Variants in ARID3A observed in about 807,000 individuals in gnomAD.
The protein encoded by ARID3A is AT-rich interactive domain-containing protein 3A.
Under a neutral mutation model 52.7 loss-of-function variants are expected in ARID3A, and 11 were observed. The ratio of observed to expected loss-of-function variants is 0.21; its 90% CI spans 0.13 to 0.35. The LOEUF (loss-of-function observed/expected upper bound fraction) is 0.35. Ranked by LOEUF, ARID3A falls within the 10% of genes least tolerant of loss-of-function variation. The pLI, the probability that ARID3A is intolerant of heterozygous loss-of-function variation, is 1.00. For synonymous variants in ARID3A, 404 were observed against 359.4 expected (o/e 1.12, Z -1.40); for missense variants, 721 against 838.5 (o/e 0.86, Z 1.73).
intron 3 of ARID3A, among the ~76,000 whole-genome samples, chr19:933,093 C>A (rs879716976): frequency 6.6e-6 from 1 of 152,044 alleles, no homozygotes; most frequent in Non-Finnish European, 1.5e-5. Context: ...ACCAGGCCTG[C>A]GGGCGATGCG....
intron 3 of ARID3A, 64 bp downstream of exon 3, chr19:932,806 A>G (rs2037361643): frequency 6.5e-7 from 1 of 1,540,574 alleles, no homozygotes; most frequent in African/African-American, 1.4e-5. Flanking sequence ...GGCCCTTTGA[A>G]GGCCCACGTT....
At chr19:969,751 G>C (rs1425673565) in intron 8 of ARID3A, among the ~76,000 whole-genome samples, 1 of 149,090 alleles carries the variant, frequency 6.7e-6, no homozygotes, top group Non-Finnish European at 1.5e-5. Context: ...GCAGTGGCAC[G>C]ATCTTGACTC....
rs373854297 is a variant in ARID3A, at chr19:974,363, G to A, written c.*2298G>A. On this transcript the variant is annotated 3_prime_UTR_variant, in exon 9 of 9. Coordinates refer to ENST00000263620, the MANE Select transcript of ARID3A (RefSeq NM_005224.3). The stretch of plus-strand genomic sequence containing the variant: ...AGCACCGTAGCAGCACAATCACCCC[G>A]GGAAGGGGGTGTCTGTTTGCCTCCA... 26 of 229,248 alleles carry A rather than the reference G, an allele frequency of 1.1e-4. No homozygotes were observed. Among genetic ancestry groups the A allele is most frequent in the Non-Finnish European group, 1.7e-4 (20 of 115,598 alleles). 14.2% of individuals were successfully genotyped at this position (229,248 alleles called of 1,614,324 possible).
rs2145375042 is a variant in ARID3A, at chr19:938,691, G to C, written c.693+5949G>C. Among the ~76,000 whole-genome samples, 1 of 152,282 alleles carries C rather than the reference G, an allele frequency of 6.6e-6. No individual in the cohort carries two copies. Among genetic ancestry groups the C allele is most frequent in the Non-Finnish European group, 1.5e-5 (1 of 68,032 alleles). The stretch of plus-strand genomic sequence containing the variant: ...CCGGGCCTGACAGCTGGGCGTGTGT[G>C]GGCACTGGGGCAGGGACGGCCACCA... On this transcript the variant is annotated intron_variant, in intron 3 of 8. Transcript: ENST00000263620. This position sits in a 1 kb window ranked among gnomAD's most constrained non-coding sequence, Gnocchi z 4.0.
At chr19:969,593 CATAG>C (rs1003882186) in intron 8 of ARID3A, among the ~76,000 whole-genome samples, 1 of 151,022 alleles carries the variant, frequency 6.6e-6, no homozygotes, top group Non-Finnish European at 1.5e-5. Context: ...TGTAGCTATA[CATAG>C]ATATATATAG....
chr19:929,441 C>CG lies in ARID3A; in HGVS notation c.-88_-87insG. Reference sequence around the variant, plus strand: ...CCACGCTGCAGTGCGGCCGGGCCCCCTCCCCGCAGGGGCCGCCCCCGCCGC... The same window carrying CG: ...CCACGCTGCAGTGCGGCCGGGCCCCCGTCCCCGCAGGGGCCGCCCCCGCCGC... On this transcript the variant is annotated 5_prime_UTR_variant, in exon 2 of 9. Transcript: ENST00000263620. This position sits in a 1 kb window ranked among gnomAD's most constrained non-coding sequence, Gnocchi z 6.2. 2.3e-4 allele frequency: 292 copies of CG among 1,270,068 alleles called. No homozygotes were observed. The highest frequency in any genetic ancestry group is 3.1e-4 in the Middle Eastern group (1 of 3,200). 78.7% of individuals were successfully genotyped at this position (1,270,068 alleles called of 1,614,324 possible).
intron 6 of ARID3A, among the ~76,000 whole-genome samples, chr19:965,906 C>T (rs1319751024): frequency 1.3e-5 from 2 of 151,096 alleles, no homozygotes; most frequent in Admixed American, 6.6e-5. Context: ...GCAGGAGAAT[C>T]GCTTGAACCC....
At chr19:940,575 AAGG>A (rs370477721) in intron 3 of ARID3A, among the ~76,000 whole-genome samples, 56 of 152,158 alleles carry the variant, frequency 3.7e-4, no homozygotes, top group African/African-American at 1.2e-3. Flanking sequence ...GCCTGAGAAG[AAGG>A]AGAAGGAGGA....
Position 944,808 on chromosome 19 carries a change from T to C in ARID3A, c.693+12066T>C, listed in dbSNP as rs2037642719. On this transcript the variant is annotated intron_variant, in intron 3 of 8. Coordinates refer to ENST00000263620, the MANE Select transcript of ARID3A (RefSeq NM_005224.3). This position sits in a 1 kb window ranked among gnomAD's most constrained non-coding sequence, Gnocchi z 5.9. ...ACCCGGCTAACTTCATTTTATTTTT[T>C]GGAGACAGGGTCTTGCTGCGTTGCC... 6.6e-6 allele frequency among the ~76,000 whole-genome samples: 1 copy of C among 152,202 alleles called. No homozygotes were observed. Among genetic ancestry groups the C allele is most frequent in the African/African-American group, 2.4e-5 (1 of 41,454 alleles).
intron 1 of ARID3A, among the ~76,000 whole-genome samples, chr19:927,967 GGCCA>G (rs2037236116): frequency 6.6e-6 from 1 of 152,140 alleles, no homozygotes. Flanking sequence ...AGGGCAGAGG[GGCCA>G]CAGGACTCTC....
intron 3 of ARID3A, among the ~76,000 whole-genome samples, chr19:957,668 C>G (rs757607817): frequency 8.5e-5 from 13 of 152,122 alleles, no homozygotes; most frequent in Non-Finnish European, 1.8e-4. Context: ...TAGAAAGACC[C>G]ATCTCTACAA....
At chr19:928,095 G>A (rs1329074213) in intron 1 of ARID3A, among the ~76,000 whole-genome samples, 1 of 151,960 alleles carries the variant, frequency 6.6e-6, no homozygotes, top group Non-Finnish European at 1.5e-5. Context: ...CGTCTCTCCA[G>A]GCCTTGTCTG....
In ARID3A at chr19:939,128, A is replaced by ATTTATTT. The variant is rs57082317; in HGVS notation, c.693+6388_693+6389insTATTTTT. On this transcript the variant is annotated intron_variant, in intron 3 of 8. Transcript: ENST00000263620. ...TTATTTATTTATTTATTTATTTATT[A>ATTTATTT]TTATTATTTTAGACGGAGTCTTGCT... Among the ~76,000 whole-genome samples the ATTTATTT allele has an allele frequency of 3.0e-3, 443 of 145,300 alleles. 3 individuals are homozygous for ATTTATTT. Among genetic ancestry groups the ATTTATTT allele is most frequent in the East Asian group, 1.0e-2 (50 of 5,006 alleles).
Position 944,621 on chromosome 19 carries a change from T to C in ARID3A, c.693+11879T>C, listed in dbSNP as rs934670578. 2.0e-5 allele frequency among the ~76,000 whole-genome samples: 3 copies of C among 152,156 alleles called. No homozygotes were observed. The highest frequency in any genetic ancestry group is 4.8e-5 in the African/African-American group (2 of 41,414). ...CAGCCTGGCTGAACCTCCTTCATTGTCTGGTTTTCGGGGGTGGATTTTGAG... is the reference window on the plus strand; with the variant it reads ...CAGCCTGGCTGAACCTCCTTCATTGCCTGGTTTTCGGGGGTGGATTTTGAG... On this transcript the variant is annotated intron_variant, in intron 3 of 8. Transcript: ENST00000263620. The surrounding 1 kb of genome is among the most constrained non-coding windows in gnomAD (Gnocchi z 5.9).
chr19:963,618 C>T (rs924706593), intron 4 of ARID3A, among the ~76,000 whole-genome samples: 1 of 152,164 alleles, frequency 6.6e-6, no homozygotes, highest in Non-Finnish European at 1.5e-5. Flanking sequence ...GCCGCCTCTT[C>T]TTCCTGGGCC....
chr19:964,752 T>A lies in ARID3A; in HGVS notation c.951-81T>A. ...AGAACCAGGGATGGTGGTGCCACAG[T>A]GGGGTTTACTTTGTACTGAAGGCCA... On this transcript the variant is annotated intron_variant, in intron 5 of 8. Coordinates refer to ENST00000263620, the MANE Select transcript of ARID3A (RefSeq NM_005224.3). The surrounding 1 kb of genome is among the most constrained non-coding windows in gnomAD (Gnocchi z 5.7). 6.5e-7 allele frequency: 1 copy of A among 1,527,914 alleles called. No individual in the cohort carries two copies. Among genetic ancestry groups the A allele is most frequent in the South Asian group, 1.3e-5 (1 of 77,940 alleles). The allele number at this position is 1,527,914 out of a possible 1,614,324, so 94.6% of individuals were successfully genotyped here.
intron 4 of ARID3A, chr19:961,666 C>A (rs181234141): frequency 1.3e-5 from 2 of 152,552 alleles, no homozygotes; most frequent in Non-Finnish European, 2.9e-5. Flanking sequence ...CACCTGTAAT[C>A]CCAGCACTTT....
intron 3 of ARID3A, among the ~76,000 whole-genome samples, chr19:953,341 C>A (rs2037841736): frequency 6.6e-6 from 1 of 152,044 alleles, no homozygotes; most frequent in Non-Finnish European, 1.5e-5. Flanking sequence ...GCGGTTATCT[C>A]ACTTTTTCCT....
Position 941,826 on chromosome 19 carries a change from G to GT in ARID3A, c.693+9085dup, listed in dbSNP as rs1341020330. On this transcript the variant is annotated intron_variant, in intron 3 of 8. Transcript: ENST00000263620. The surrounding 1 kb of genome is among the most constrained non-coding windows in gnomAD (Gnocchi z 6.9). ...GTGTGTGTCAGGGGTGGCTGCAAGC[G>GT]TATGTGTGTGTGCACGTCGAGGCTG... 1.4e-4 allele frequency among the ~76,000 whole-genome samples: 16 copies of GT among 116,932 alleles called. No homozygotes were observed. The highest frequency in any genetic ancestry group is 4.6e-4 in the African/African-American group (14 of 30,220). 76.7% of individuals were successfully genotyped at this position (116,932 alleles called of 152,430 possible). A position where few individuals can be genotyped will look rare whatever the true frequency, so the allele number is the denominator to read the frequency against.
Sources: allele counts gnomAD v4.1 joint callset (sites outside exome capture counted in the v4.1 genomes callset), GRCh38; gene constraint gnomAD v4.1.1; non-coding constraint Gnocchi (gnomAD v3.1); transcripts MANE v1.5; gene names NCBI Gene and HGNC (gene_info 2026-07-23, HGNC 2026-07-21).